The following GABRA3 variants were observed in gnomAD, a reference collection of about 807,000 sequenced individuals.
GABRA3 encodes gamma-aminobutyric acid receptor subunit alpha-3.
Under a neutral mutation model 30.1 loss-of-function variants are expected in GABRA3, and 10 were observed. That is an observed-to-expected ratio of 0.33 (90% CI 0.20 to 0.56). The LOEUF (loss-of-function observed/expected upper bound fraction) is 0.56, where lower values mean the gene tolerates loss of function less well. Ranked by LOEUF, GABRA3 falls within the 20% of genes least tolerant of loss-of-function variation. The probability of loss-of-function intolerance (pLI) is 0.89; values close to 1 mark genes in which losing one functional copy is unlikely to be tolerated. For missense variants in GABRA3, 233 were observed against 392.0 expected, an observed-to-expected ratio of 0.59 and a Z score of 3.42; for synonymous variants, 151 against 146.8, an observed-to-expected ratio of 1.03 and a Z score of -0.21.
At chrX:152,401,463 T>C (rs1010008770) in intron 1 of GABRA3, among the ~76,000 whole-genome samples, 5 of 110,875 alleles carry the variant, frequency 4.5e-5, no homozygotes, top group Admixed American at 9.6e-5. Context: ...ACAATCATGA[T>C]AGGTAAGCAA....
intron 2 of GABRA3, among the ~76,000 whole-genome samples, chrX:152,354,527 A>G (rs1940522073): frequency 8.9e-6 from 1 of 111,839 alleles, no homozygotes; most frequent in Non-Finnish European, 1.9e-5. Context: ...AAACCATATT[A>G]TGCCAAGAGA....
chrX:152,224,890 G>A (rs1937909293), intron 5 of GABRA3, 45 bp from the exon 6 acceptor site: 4 of 938,720 alleles, frequency 4.3e-6, no homozygotes, highest in Admixed American at 2.3e-5. Context: ...TAAAATAAAT[G>A]TTATTAAACA....
intron 1 of GABRA3, among the ~76,000 whole-genome samples, chrX:152,386,479 T>C (rs1368434866): frequency 2.7e-5 from 3 of 110,414 alleles, no homozygotes; most frequent in Admixed American, 9.7e-5. Context: ...CATCAAAAAG[T>C]GGGCGAAGGA....
intron 4 of GABRA3, among the ~76,000 whole-genome samples, chrX:152,272,103 T>A (rs1300585954): frequency 9.0e-6 from 1 of 111,709 alleles, no homozygotes; most frequent in Admixed American, 9.5e-5. Context: ...GGGCACTGCC[T>A]AGTGGAGCTG....
At chrX:152,316,856 G>C (rs1939885744) in intron 3 of GABRA3, among the ~76,000 whole-genome samples, 1 of 111,746 alleles carries the variant, frequency 8.9e-6, no homozygotes, top group African/African-American at 3.3e-5. Context: ...AAAGCTAAAA[G>C]GACCTCTGAA....
intron 1 of GABRA3, among the ~76,000 whole-genome samples, chrX:152,384,724 T>A (rs1414355889): frequency 2.7e-5 from 3 of 112,202 alleles, no homozygotes; most frequent in Non-Finnish European, 5.6e-5. Context: ...CACAAAGTGA[T>A]AACCTATAAA....
intron 3 of GABRA3, among the ~76,000 whole-genome samples, chrX:152,317,026 T>C (rs1939888039): frequency 8.9e-6 from 1 of 112,032 alleles, no homozygotes; most frequent in African/African-American, 3.2e-5. Context: ...TAATGTTGAA[T>C]GTAAATGGCC....
chrX:152,392,913 CA>C (rs1421102844), intron 1 of GABRA3, among the ~76,000 whole-genome samples: 2 of 111,822 alleles, frequency 1.8e-5, no homozygotes, highest in Non-Finnish European at 3.8e-5. Context: ...AGCCACGGTA[CA>C]GGGGTAAACA....
chrX:152,218,007 T>C (rs1396677549), intron 6 of GABRA3, among the ~76,000 whole-genome samples: 1 of 108,513 alleles, frequency 9.2e-6, no homozygotes, highest in Non-Finnish European at 1.9e-5. Flanking sequence ...CTGCTTGCTT[T>C]GGATTTAGTT....
intron 3 of GABRA3, among the ~76,000 whole-genome samples, chrX:152,292,494 C>T (rs1179431448): frequency 1.8e-5 from 2 of 111,200 alleles, no homozygotes; most frequent in African/African-American, 3.3e-5. Context: ...TTTCAGAAAT[C>T]GAGCTCCTGG....
intron 4 of GABRA3, among the ~76,000 whole-genome samples, chrX:152,261,167 T>C (rs1406384819): frequency 4.5e-5 from 5 of 110,635 alleles, no homozygotes; most frequent in Non-Finnish European, 9.4e-5. Context: ...CATAATTTAA[T>C]CACCCCCACC....
chrX:152,188,064 C>A (rs773320710), intron 9 of GABRA3, among the ~76,000 whole-genome samples: 6 of 111,130 alleles, frequency 5.4e-5, no homozygotes, highest in African/African-American at 1.3e-4. Flanking sequence ...AAGATAGCTA[C>A]ACACACTGGG....
rs188669804 is a variant in GABRA3 at position 152,343,787 on chromosome X, G to A, written c.262+1794C>T. Among the ~76,000 whole-genome samples, 4 of 112,193 alleles carry A rather than the reference G, an allele frequency of 3.6e-5. No individual in the cohort carries two copies. The East Asian group carries it at 1.1e-3, about 31-fold the overall frequency. Reference sequence around the variant, plus strand: ...AAATATATATTTAACTTTACTTAATGTGTTTATTGTAGTACTATGGGTGTA... The same window carrying A: ...AAATATATATTTAACTTTACTTAATATGTTTATTGTAGTACTATGGGTGTA... On this transcript the variant is annotated intron_variant, in intron 3 of 9. Coordinates refer to ENST00000370314, the MANE Select transcript of GABRA3 (RefSeq NM_000808.4).
chrX:152,177,284 C>T (rs1033141158), intron 9 of GABRA3, among the ~76,000 whole-genome samples: 1 of 111,330 alleles, frequency 9.0e-6, no homozygotes, highest in Non-Finnish European at 1.9e-5. Context: ...TTTATCTTCC[C>T]ATGAACAGGA....
In GABRA3 at chrX:152,345,681, T is replaced by C. The variant is rs200948055; in HGVS notation, c.162A>G (p.Pro54=). Residue 54 remains proline (P), a synonymous_variant, in exon 3 of 10, where the codon CCA becomes CCG. Transcript: ENST00000370314. ...DIGGLSPKHA[P]DIPDDSTDNI... The stretch of plus-strand genomic sequence containing the variant: ...TGTCAGTGCTGTCATCAGGAATATC[T>C]GGGGCATGCTTAGGAGACAGCCTGA... 2.0e-5 allele frequency: 24 copies of C among 1,198,811 alleles called. No homozygotes were observed. Among genetic ancestry groups the C allele is most frequent in the Non-Finnish European group, 2.6e-5 (23 of 891,383 alleles).
chrX:152,443,069 A>G (rs1602733322), intron 1 of GABRA3, among the ~76,000 whole-genome samples: 1 of 111,880 alleles, frequency 8.9e-6, no homozygotes, highest in East Asian at 2.8e-4. Flanking sequence ...TAAACATTTA[A>G]AATGTAAGTG....
chrX:152,230,875 T>C (rs912471305), intron 5 of GABRA3, among the ~76,000 whole-genome samples: 1 of 110,479 alleles, frequency 9.1e-6, no homozygotes, highest in Non-Finnish European at 1.9e-5. Flanking sequence ...AAAATCTTTG[T>C]TATCTTGAGT....
At chrX:152,331,248 T>C (rs1466934431) in intron 3 of GABRA3, among the ~76,000 whole-genome samples, 1 of 108,677 alleles carries the variant, frequency 9.2e-6, no homozygotes, top group Non-Finnish European at 1.9e-5. Context: ...AGGGACCATC[T>C]ACAGAACTTC....
chrX:152,301,602 C>T (rs752363927), intron 3 of GABRA3, among the ~76,000 whole-genome samples: 10 of 110,977 alleles, frequency 9.0e-5, no homozygotes, highest in African/African-American at 3.3e-4. Flanking sequence ...GGTGCGATCT[C>T]GGCTCACTGC....
Sources: gnomAD v4.1 joint callset for allele counts (sites outside exome capture counted in the v4.1 genomes callset) on GRCh38, gnomAD v4.1.1 for gene constraint, MANE v1.5 for transcripts, NCBI Gene and HGNC (gene_info 2026-07-23, HGNC 2026-07-21) for gene names.